The following BCR variants were observed in gnomAD, a reference collection of about 807,000 sequenced individuals.
BCR encodes breakpoint cluster region protein.
A neutral mutation model predicts 138.6 loss-of-function variants in BCR; 58 were observed. The ratio of observed to expected loss-of-function variants is 0.42; its 90% confidence interval spans 0.34 to 0.52. BCR has a LOEUF of 0.52. Ranked by LOEUF, BCR falls within the 20% of genes least tolerant of loss-of-function variation. BCR has a pLI of 0.06. For synonymous variants in BCR, 786 were observed against 730.1 expected, an observed-to-expected ratio of 1.08 and a Z score of -1.23; for missense variants, 1,599 against 1,727.2, an observed-to-expected ratio of 0.93 and a Z score of 1.32.
At chr22:23,297,785 C>G (rs1296788634) in intron 16 of BCR, among the ~76,000 whole-genome samples, 1 of 152,160 alleles carries the variant, frequency 6.6e-6, no homozygotes, top group Non-Finnish European at 1.5e-5. Flanking sequence ...TGAACCAGGA[C>G]CTCTGAGTAC....
rs575492865 is a variant in BCR, at chr22:23,207,937, G to A, written c.1279+25698G>A. ...CCGTGTGTGCCTGTGACACCTGATG[G>A]CCTATGCACCCCATACACACAGCTG... On this transcript the variant is annotated intron_variant, in intron 1 of 22. Transcript: ENST00000305877. Among the ~76,000 whole-genome samples the A allele has an allele frequency of 4.1e-4, 63 of 152,284 alleles. No homozygotes were observed. The South Asian group carries it at 0.011, about 26-fold the overall frequency.
At chr22:23,252,783 T>G (rs566816432) in intron 1 of BCR, among the ~76,000 whole-genome samples, 52 of 152,300 alleles carry the variant, frequency 3.4e-4, no homozygotes, top group Admixed American at 8.5e-4. Flanking sequence ...GAGAACCAAC[T>G]GTTTTCTCTG....
In BCR at chr22:23,242,332, C is replaced by T. The variant is rs79943265; in HGVS notation, c.1280-11467C>T. Among the ~76,000 whole-genome samples the T allele has an allele frequency of 3.8e-3, 576 of 152,232 alleles. 6 individuals carry two copies. The highest frequency in any genetic ancestry group is 0.013 in the African/African-American group (546 of 41,538). On this transcript the variant is annotated intron_variant, in intron 1 of 22. Coordinates refer to ENST00000305877, the MANE Select transcript of BCR (RefSeq NM_004327.4). ...ATATTTATTCAGGCCCACTGCAGCC[C>T]CCGATTCCATCTCAGGTGATAAGGG...
At chr22:23,288,853 C>T (rs1045635121) in intron 12 of BCR, among the ~76,000 whole-genome samples, 1 of 152,332 alleles carries the variant, frequency 6.6e-6, no homozygotes, top group East Asian at 1.9e-4. Context: ...CGGTTCCCTC[C>T]TTGGAGGTTT....
chr22:23,201,960 T>C (rs1435551832), intron 1 of BCR, among the ~76,000 whole-genome samples: 1 of 152,244 alleles, frequency 6.6e-6, no homozygotes, highest in African/African-American at 2.4e-5. Flanking sequence ...GAGATAATTA[T>C]GTGTAAATCT....
Position 23,317,237 on chromosome 22 carries a change from A to T in BCR, c.*1715A>T, listed in dbSNP as rs1457575073. On this transcript the variant is annotated 3_prime_UTR_variant, in exon 23 of 23. Coordinates refer to ENST00000305877, the MANE Select transcript of BCR (RefSeq NM_004327.4). ...GCAAGGCAGGGAGCAGAAAACAGCC[A>T]CTTGAAGGCTTTCTGTCTGCGTCTG... The T allele has an allele frequency of 7.7e-6, 1 of 130,032 alleles. No homozygotes were observed. Among genetic ancestry groups the T allele is most frequent in the Non-Finnish European group, 1.4e-5 (1 of 73,448 alleles). 8.1% of individuals were successfully genotyped at this position (130,032 alleles called of 1,614,324 possible).
chr22:23,297,248 T>C (rs1179429038), intron 16 of BCR, among the ~76,000 whole-genome samples: 1 of 142,166 alleles, frequency 7.0e-6, no homozygotes, highest in African/African-American at 2.7e-5. Flanking sequence ...CGAGACAGAG[T>C]TTTGCTCTTG....
chr22:23,273,295 G>T (rs1025172101), intron 7 of BCR, among the ~76,000 whole-genome samples, 162 bp downstream of exon 7: 1 of 152,160 alleles, frequency 6.6e-6, no homozygotes, highest in African/African-American at 2.4e-5. Context: ...CATTCTGTAG[G>T]GAAAGGACAG....
intron 1 of BCR, among the ~76,000 whole-genome samples, chr22:23,240,155 A>C (rs2073073025): frequency 6.6e-6 from 1 of 152,132 alleles, no homozygotes; most frequent in Admixed American, 6.6e-5. Context: ...GACCTAACCT[A>C]ATGACCTCAT....
At chr22:23,236,028 C>G (rs1478621286) in intron 1 of BCR, among the ~76,000 whole-genome samples, 1 of 152,208 alleles carries the variant, frequency 6.6e-6, no homozygotes, top group Non-Finnish European at 1.5e-5. Context: ...CAGAGTGCCA[C>G]CCCCACATCT....
At chr22:23,274,101 A>G (rs1242356084) in intron 8 of BCR, among the ~76,000 whole-genome samples, 1 of 152,134 alleles carries the variant, frequency 6.6e-6, no homozygotes, top group African/African-American at 2.4e-5. Flanking sequence ...TCCCCAGCCA[A>G]GGAGACTTGT....
At chr22:23,194,005 C>G (rs1272169741) in intron 1 of BCR, among the ~76,000 whole-genome samples, 1 of 152,204 alleles carries the variant, frequency 6.6e-6, no homozygotes, top group Non-Finnish European at 1.5e-5. Flanking sequence ...GTTCTCTGTC[C>G]CTGAGGCACG....
Position 23,287,233 on chromosome 22 carries a change from T to G in BCR, c.2481T>G (p.Leu827=). The G allele has an allele frequency of 6.4e-7, 1 of 1,560,668 alleles. No individual in the cohort carries two copies. The highest frequency in any genetic ancestry group is 1.4e-5 in the African/African-American group (1 of 73,696). Reference sequence around the variant, plus strand: ...CGGAGCAGGAGTCACTGCTGCTGCTTATGTCTCCCAGCATGGCCTTCAGGG... The same window carrying G: ...CGGAGCAGGAGTCACTGCTGCTGCTGATGTCTCCCAGCATGGCCTTCAGGG... ...KLSEQESLLL[L]MSPSMAFRVH... Residue 827 remains leucine, a synonymous_variant, in exon 11 of 23, where the codon CTT becomes CTG. Transcript: ENST00000305877.
intron 4 of BCR, chr22:23,262,723 G>C (rs1303300759): frequency 1.2e-6 from 1 of 827,892 alleles, no homozygotes; most frequent in African/African-American, 1.8e-5. Flanking sequence ...GCCCGGGTGA[G>C]GGCGGGGGCG....
Position 23,261,526 on chromosome 22 carries a change from C to T in BCR, c.1738C>T (p.Leu580Phe), listed in dbSNP as rs1289412796. 2.5e-6 allele frequency: 4 copies of T among 1,612,410 alleles called. No individual in the cohort carries two copies. The highest frequency in any genetic ancestry group is 3.3e-5 in the Admixed American group (2 of 60,020). The change falls in exon 4 of 23, where the codon CTC (leucine) becomes TTC (phenylalanine). Residue 580 changes from leucine to phenylalanine, a missense_variant. Leu to Phe is a conservative substitution (Grantham distance 22, BLOSUM62 0). This residue lies in a region of BCR where 590 missense variants were observed against 762.4 expected (regional missense o/e 0.77). Transcript: ENST00000305877. ...GAGCCACCAGCAGCGGGTGGGCGAC[C>T]TCTTCCAGAAGCTGGTGAGTAACCC... Reference protein sequence around the residue: ...QWSHQQRVGDLFQKLASQLGV... With the variant: ...QWSHQQRVGDFFQKLASQLGV...
At chr22:23,202,747 G>GTGTGTA (rs1325452447) in intron 1 of BCR, among the ~76,000 whole-genome samples, 1 of 145,144 alleles carries the variant, frequency 6.9e-6, no homozygotes, top group African/African-American at 2.7e-5. Flanking sequence ...GTGTGTGTGT[G>GTGTGTA]TATATATATA....
rs1348891670 is a variant in BCR at position 23,181,315 on chromosome 22, G to A, written c.355G>A (p.Gly119Ser). The change falls in exon 1 of 23, where the codon GGC becomes AGC. Residue 119 changes from glycine to serine, a missense_variant. By Grantham distance (56) the Gly-to-Ser change is moderately conservative (BLOSUM62 0). Coordinates refer to ENST00000305877, the MANE Select transcript of BCR (RefSeq NM_004327.4). ...CGAGGAGCCCGAGGCCCGGCCCGAC[G>A]GCGAGGGTTCTCCGGGTAAGGCCAG... is the stretch of plus-strand genomic sequence containing the variant. The part of the protein sequence containing the change: ...PAEEPEARPD[G>S]EGSPGKARPG... 2 of 1,374,630 alleles carry A rather than the reference G, an allele frequency of 1.5e-6. No individual in the cohort carries two copies. Among genetic ancestry groups the A allele is most frequent in the Admixed American group, 3.5e-5 (1 of 28,790 alleles). 85.2% of individuals were successfully genotyped at this position (1,374,630 alleles called of 1,614,324 possible).
intron 22 of BCR, among the ~76,000 whole-genome samples, chr22:23,315,153 G>T (rs560330296): frequency 3.7e-4 from 56 of 152,272 alleles, no homozygotes; most frequent in Admixed American, 7.8e-4. Context: ...GAGCCCAGGA[G>T]TTAGAGGCTG....
chr22:23,240,672 GA>G (rs921370145), intron 1 of BCR, among the ~76,000 whole-genome samples: 4 of 151,742 alleles, frequency 2.6e-5, no homozygotes, highest in Non-Finnish European at 5.9e-5. Flanking sequence ...AAAAGAAAAA[GA>G]AAAAAAGAAA....
Sources: gnomAD v4.1 joint callset for allele counts (sites outside exome capture counted in the v4.1 genomes callset) on GRCh38, gnomAD v4.1.1 for gene constraint, gnomAD v4.1.1 regional missense constraint, MANE v1.5 for transcripts, NCBI Gene and HGNC (gene_info 2026-07-23, HGNC 2026-07-21) for gene names.